Variants in NRG3 observed in about 807,000 individuals in gnomAD.
NRG3 encodes neuregulin 3.
In NRG3, 31 loss-of-function variants were observed where a neutral mutation model predicts 66.9. The observed-to-expected ratio is 0.46, with a 90% CI of 0.35 to 0.63. The LOEUF is 0.63. NRG3 is among the 20% of genes least tolerant of loss of function. The probability of loss-of-function intolerance (pLI) is 0.00; values close to 1 mark genes in which losing one functional copy is unlikely to be tolerated. For synonymous variants in NRG3, 393 were observed against 359.4 expected, an observed-to-expected ratio of 1.09 and a Z score of -1.06; for missense variants, 910 against 878.9, an observed-to-expected ratio of 1.04 and a Z score of -0.45.
intron 2 of NRG3, among the ~76,000 whole-genome samples, chr10:82,532,943 A>G (rs2132664046): frequency 6.8e-6 from 1 of 147,922 alleles, no homozygotes; most frequent in East Asian, 2.0e-4. Context: ...AACACATGTT[A>G]TTTTCTGGGG....
intron 1 of NRG3, among the ~76,000 whole-genome samples, chr10:82,271,020 A>C (rs1277893724): frequency 6.6e-6 from 1 of 152,108 alleles, no homozygotes; most frequent in African/African-American, 2.4e-5. Flanking sequence ...AGAAAATCAT[A>C]ATAGGCAATG....
chr10:82,117,452 C>G (rs1445135775), intron 1 of NRG3, among the ~76,000 whole-genome samples: 1 of 152,116 alleles, frequency 6.6e-6, no homozygotes, highest in Non-Finnish European at 1.5e-5. Flanking sequence ...TAATTTAATT[C>G]TTATCAAGTT....
intron 2 of NRG3, among the ~76,000 whole-genome samples, chr10:82,509,762 G>T (rs1286028293): frequency 1.3e-5 from 2 of 152,020 alleles, no homozygotes; most frequent in East Asian, 3.9e-4. Context: ...AATTACGACT[G>T]GTATTTTCAA....
At chr10:82,471,298 G>A (rs987277611) in intron 2 of NRG3, among the ~76,000 whole-genome samples, 2 of 152,036 alleles carry the variant, frequency 1.3e-5, no homozygotes, top group African/African-American at 2.4e-5. Context: ...CAAACGGTCC[G>A]AACTTCCCAC....
chr10:82,082,981 C>T (rs1219162857), intron 1 of NRG3, among the ~76,000 whole-genome samples: 1 of 151,348 alleles, frequency 6.6e-6, no homozygotes, highest in East Asian at 1.9e-4. Context: ...TGCTTTGTCA[C>T]CAGGCTAGGG....
intron 3 of NRG3, among the ~76,000 whole-genome samples, chr10:82,761,922 C>CTCTTTCTTTCTCTT (rs1555028703): frequency 2.4e-4 from 30 of 123,852 alleles, no homozygotes; most frequent in African/African-American, 9.1e-4. Context: ...TTCTTTCTTT[C>CTCTTTCTTTCTCTT]TCTTTCTTTC....
intron 2 of NRG3, among the ~76,000 whole-genome samples, chr10:82,557,922 A>G (rs1393725666): frequency 1.3e-5 from 2 of 152,150 alleles, no homozygotes; most frequent in Non-Finnish European, 2.9e-5. Flanking sequence ...CCTTGAAGTC[A>G]CCAGCTGGTG....
intron 1 of NRG3, among the ~76,000 whole-genome samples, chr10:81,949,133 C>T (rs1849105705): frequency 1.3e-5 from 2 of 152,094 alleles, no homozygotes; most frequent in South Asian, 4.2e-4. Flanking sequence ...AGTCGACCAC[C>T]CACATGGCAG....
chr10:81,976,825 T>C (rs1212638539), intron 1 of NRG3, among the ~76,000 whole-genome samples: 1 of 152,204 alleles, frequency 6.6e-6, no homozygotes, highest in African/African-American at 2.4e-5. Flanking sequence ...GATTAGTCTA[T>C]CTGGATGCCT....
chr10:82,685,635 A>T (rs2265974), intron 2 of NRG3, among the ~76,000 whole-genome samples: 139,307 of 152,094 alleles, frequency 0.92, 63,859 homozygotes, highest in East Asian at 1. Context: ...TTGCTGTAAC[A>T]TTTTTACTTT....
At chr10:82,254,407 A>T (rs1393905761) in intron 1 of NRG3, among the ~76,000 whole-genome samples, 1 of 152,172 alleles carries the variant, frequency 6.6e-6, no homozygotes, top group East Asian at 1.9e-4. Context: ...CAGTGTAATA[A>T]TGGGTGGAAT....
In NRG3 at chr10:82,317,741, A is replaced by G. The variant is rs544756190; in HGVS notation, c.824-40998A>G. On this transcript the variant is annotated intron_variant, in intron 1 of 8. Coordinates refer to ENST00000372141, the MANE Select transcript of NRG3 (RefSeq NM_001010848.4). ...AAGAAAAATAATGAGACAAGTCTCA[A>G]TCATTTTAGGAAGAGGTTTATTTGC... is the stretch of plus-strand genomic sequence containing the variant. Among the ~76,000 whole-genome samples the G allele has an allele frequency of 9.0e-4, 137 of 152,338 alleles. 1 individual carries two copies. The highest frequency in any genetic ancestry group is 3.0e-3 in the African/African-American group (125 of 41,574).
intron 1 of NRG3, among the ~76,000 whole-genome samples, chr10:82,058,037 G>T (rs541298620): frequency 1.3e-5 from 2 of 149,122 alleles, no homozygotes; most frequent in African/African-American, 5.0e-5. Flanking sequence ...GACTACAGTC[G>T]TGCATTAAAA....
intron 1 of NRG3, among the ~76,000 whole-genome samples, chr10:82,249,175 GTTGTTATCTTTTTTCCTAGA>G (rs1164462675): frequency 6.6e-6 from 1 of 152,142 alleles, no homozygotes; most frequent in Non-Finnish European, 1.5e-5. Context: ...TTATGTACAT[GTTGTTATCTTTTTTCCTAGA>G]TTATAAACTC....
chr10:82,356,891 G>A (rs1276199999), intron 1 of NRG3, among the ~76,000 whole-genome samples: 6 of 152,156 alleles, frequency 3.9e-5, no homozygotes, highest in Non-Finnish European at 7.4e-5. Context: ...GCATTTAATT[G>A]TTGATGTTAG....
intron 3 of NRG3, among the ~76,000 whole-genome samples, chr10:82,807,476 C>G (rs1300253135): frequency 6.6e-6 from 1 of 152,132 alleles, no homozygotes; most frequent in Admixed American, 6.5e-5. Flanking sequence ...AGTTCAGAGG[C>G]CTCCATGAGT....
chr10:82,392,438 A>C (rs2086444333), intron 2 of NRG3, among the ~76,000 whole-genome samples: 1 of 152,160 alleles, frequency 6.6e-6, no homozygotes, highest in Admixed American at 6.5e-5. Flanking sequence ...GTGTACTAAT[A>C]AATGCCAAAA....
intron 2 of NRG3, among the ~76,000 whole-genome samples, chr10:82,632,016 C>T (rs1207082143): frequency 1.3e-5 from 2 of 152,182 alleles, no homozygotes; most frequent in East Asian, 3.9e-4. Flanking sequence ...GCAGAAGAAT[C>T]ACTTGAACCC....
At chr10:82,431,194 G>A (rs780971994) in intron 2 of NRG3, among the ~76,000 whole-genome samples, 7 of 152,040 alleles carry the variant, frequency 4.6e-5, no homozygotes, top group Admixed American at 1.3e-4. Context: ...CTGAGTCAGG[G>A]CAAGTAAATA....
Sources: gnomAD v4.1 joint callset for allele counts (sites outside exome capture counted in the v4.1 genomes callset) on GRCh38, gnomAD v4.1.1 for gene constraint, MANE v1.5 for transcripts, NCBI Gene and HGNC (gene_info 2026-07-23, HGNC 2026-07-21) for gene names.